Variants in KLF9 observed in about 807,000 individuals in gnomAD.
KLF9 encodes the protein Krueppel-like factor 9.
A neutral mutation model predicts 17.3 loss-of-function variants in KLF9; 2 were observed. The observed-to-expected ratio is 0.12, with a 90% confidence interval of 0.05 to 0.36. The LOEUF (loss-of-function observed/expected upper bound fraction) is 0.36, where lower values mean the gene tolerates loss of function less well. KLF9 is among the 10% of genes least tolerant of loss of function. KLF9 has a pLI of 1.00. For missense variants in KLF9, 226 were observed against 333.2 expected, an observed-to-expected ratio of 0.68 and a Z score of 2.51; for synonymous variants, 138 against 139.2, an observed-to-expected ratio of 0.99 and a Z score of 0.06.
chr9:70,395,351 T>C (rs199547121), intron 1 of KLF9, among the ~76,000 whole-genome samples: 2 of 152,044 alleles, frequency 1.3e-5, no homozygotes, highest in South Asian at 4.1e-4. Context: ...ATGTAAAAAA[T>C]AAAGCCATAA....
At chr9:70,393,554 C>A (rs1435408145) in intron 1 of KLF9, among the ~76,000 whole-genome samples, 1 of 152,148 alleles carries the variant, frequency 6.6e-6, no homozygotes, top group African/African-American at 2.4e-5. Context: ...ATCTTCCCTG[C>A]CCCACCCAAG....
chr9:70,409,020 ATG>A (rs1334427553), intron 1 of KLF9, among the ~76,000 whole-genome samples: 73 of 126,234 alleles, frequency 5.8e-4, no homozygotes, highest in Admixed American at 1.5e-3. Context: ...ATACACATAT[ATG>A]TATATATATA....
chr9:70,399,559 G>T (rs992857910), intron 1 of KLF9, among the ~76,000 whole-genome samples: 1 of 152,222 alleles, frequency 6.6e-6, no homozygotes, highest in African/African-American at 2.4e-5. Flanking sequence ...CAATTTTGGT[G>T]ATTTTTATCA....
At position 70,412,911 on chromosome 9, in the gene KLF9, C is replaced by T. The variant is rs1398160213; in HGVS notation, c.453G>A (p.Gly151=). 6.2e-7 allele frequency: 1 copy of T among 1,612,626 alleles called. No individual in the cohort carries two copies. ...GATGGGAGGATTTTCCATAGACTTT[C>T]CCACAGCCACTGTAGGGGCACTTGT... The part of the protein sequence containing the change: ...KRHKCPYSGC[G]KVYGKSSHLK... Residue 151 remains glycine, a synonymous_variant, in exon 1 of 2, where the codon GGG becomes GGA. Transcript: ENST00000377126.
rs1408836662 is a variant in KLF9, at chr9:70,413,492, G to T, written c.-129C>A. On this transcript the variant is annotated 5_prime_UTR_variant, in exon 1 of 2. Transcript: ENST00000377126. The surrounding 1 kb of genome is among the most constrained non-coding windows in gnomAD (Gnocchi z 5.6). ...GGCACGGCGCGGCGGCCAAGGGGGC[G>T]GGGGCGCGGGGCGCTTCCGACTCGC... 3 of 1,003,126 alleles carry T rather than the reference G, an allele frequency of 3.0e-6. No individual in the cohort carries two copies. The highest frequency in any genetic ancestry group is 4.9e-5 in the South Asian group (1 of 20,300). The allele number at this position is 1,003,126 out of a possible 1,614,324, so 62.1% of individuals were successfully genotyped here.
intron 1 of KLF9, among the ~76,000 whole-genome samples, chr9:70,391,654 C>T (rs1470328683): frequency 2.0e-5 from 3 of 152,148 alleles, no homozygotes; most frequent in Non-Finnish European, 4.4e-5. Flanking sequence ...TATCTGGCAT[C>T]CTTTGGAAAA....
chr9:70,401,681 C>T, intron 1 of KLF9, among the ~76,000 whole-genome samples: 1 of 97,678 alleles, frequency 1.0e-5, no homozygotes, highest in Admixed American at 1.2e-4. Flanking sequence ...AGCAAGACTC[C>T]TTCACAAAAA....
At chr9:70,405,520 T>C (rs1166711637) in intron 1 of KLF9, among the ~76,000 whole-genome samples, 2 of 152,192 alleles carry the variant, frequency 1.3e-5, no homozygotes. Flanking sequence ...CATTAAAAAA[T>C]AAACAAATTC....
At chr9:70,398,243 T>A (rs113517694) in intron 1 of KLF9, among the ~76,000 whole-genome samples, 20 of 152,218 alleles carry the variant, frequency 1.3e-4, no homozygotes, top group African/African-American at 4.8e-4. Flanking sequence ...AGGGCTTAGG[T>A]GTGAGATTTT....
In KLF9 at chr9:70,385,854, T is replaced by G. The variant is rs1461861595; in HGVS notation, c.*1922A>C. ...GACATGTTTTCTCGTGAGAAAACAC[T>G]TTCCTTTTTATCCCATGGACTGCTC... On this transcript the variant is annotated 3_prime_UTR_variant, in exon 2 of 2. Coordinates refer to ENST00000377126, the MANE Select transcript of KLF9 (RefSeq NM_001206.4). 6.6e-6 allele frequency: 1 copy of G among 152,314 alleles called. No individual in the cohort carries two copies. Among genetic ancestry groups the G allele is most frequent in the Non-Finnish European group, 1.5e-5 (1 of 68,040 alleles). 9.4% of individuals were successfully genotyped at this position (152,314 alleles called of 1,614,324 possible).
At chr9:70,400,488 C>G (rs547416741) in intron 1 of KLF9, among the ~76,000 whole-genome samples, 124 of 152,244 alleles carry the variant, frequency 8.1e-4, no homozygotes, top group African/African-American at 2.5e-3. Context: ...GAGAGAGAAC[C>G]CTGATTTTGC....
chr9:70,388,115 G>T, intron 1 of KLF9, 110 bp from the exon 2 acceptor site: 2 of 845,448 alleles, frequency 2.4e-6, no homozygotes, highest in Non-Finnish European at 3.7e-6. Flanking sequence ...CCTCGGAGAT[G>T]ATTATTATGT....
chr9:70,414,613 C>G lies in KLF9; in HGVS notation c.-1250G>C. Reference sequence around the variant, plus strand: ...AGTGTGAATCTATAATTAAAAAAACCCCATTATGTCAGGATAAGTCCAAGA... The same window carrying G: ...AGTGTGAATCTATAATTAAAAAAACGCCATTATGTCAGGATAAGTCCAAGA... On this transcript the variant is annotated 5_prime_UTR_variant, in exon 1 of 2. Coordinates refer to ENST00000377126, the MANE Select transcript of KLF9 (RefSeq NM_001206.4). 6.6e-6 allele frequency: 1 copy of G among 152,014 alleles called. No homozygotes were observed. Among genetic ancestry groups the G allele is most frequent in the Admixed American group, 6.6e-5 (1 of 15,262 alleles). The allele number at this position is 152,014 out of a possible 1,614,324, so 9.4% of individuals were successfully genotyped here.
chr9:70,391,551 C>G (rs2037153381), intron 1 of KLF9, among the ~76,000 whole-genome samples: 2 of 152,106 alleles, frequency 1.3e-5, no homozygotes, highest in African/African-American at 4.8e-5. Flanking sequence ...ACTCATGTAA[C>G]TTGTATAATT....
rs1342687941 is a variant in KLF9 at position 70,414,335 on chromosome 9, C to CG, written c.-973dup. ...CTATGGCAAAAGAGAACTTCAGCTT[C>CG]GGTTTTCCAGCTCCCAAACAGTTAA... On this transcript the variant is annotated 5_prime_UTR_variant, in exon 1 of 2. The change abolishes the stop of an existing upstream ORF in the 5' untranslated region. Transcript: ENST00000377126. 1.3e-5 allele frequency: 2 copies of CG among 152,212 alleles called. No individual in the cohort carries two copies. The highest frequency in any genetic ancestry group is 3.9e-4 in the East Asian group (2 of 5,192). 9.4% of individuals were successfully genotyped at this position (152,212 alleles called of 1,614,324 possible).
chr9:70,405,713 G>A (rs2037251135), intron 1 of KLF9, among the ~76,000 whole-genome samples: 1 of 152,006 alleles, frequency 6.6e-6, no homozygotes, highest in Non-Finnish European at 1.5e-5. Context: ...AAAGGCTTTG[G>A]ACACACATGG....
Position 70,390,187 on chromosome 9 carries a change from T to A in KLF9, c.506-2182A>T, listed in dbSNP as rs562332683. Among the ~76,000 whole-genome samples, 22 of 152,326 alleles carry A rather than the reference T, an allele frequency of 1.4e-4. No individual in the cohort carries two copies. The South Asian group carries it at 4.6e-3, about 32-fold the overall frequency. ...ATAACAACACCCTGTACAACGTACTTTTCGAGGAAACCCAATGTGGGTAAA... is the reference window on the plus strand; with the variant it reads ...ATAACAACACCCTGTACAACGTACTATTCGAGGAAACCCAATGTGGGTAAA... On this transcript the variant is annotated intron_variant, in intron 1 of 1. Transcript: ENST00000377126.
chr9:70,392,317 T>C (rs1774919310), intron 1 of KLF9, among the ~76,000 whole-genome samples: 1 of 152,108 alleles, frequency 6.6e-6, no homozygotes, highest in African/African-American at 2.4e-5. Flanking sequence ...TGGATCATAA[T>C]GGATTCCATG....
chr9:70,404,647 G>A (rs1478973169), intron 1 of KLF9, among the ~76,000 whole-genome samples: 1 of 151,922 alleles, frequency 6.6e-6, no homozygotes, highest in African/African-American at 2.4e-5. Flanking sequence ...AAGTGAATGA[G>A]GCAGTGCTGG....
Sources: allele counts gnomAD v4.1 joint callset (sites outside exome capture counted in the v4.1 genomes callset), GRCh38; gene constraint gnomAD v4.1.1; non-coding constraint Gnocchi (gnomAD v3.1); transcripts MANE v1.5; gene names NCBI Gene and HGNC (gene_info 2026-07-23, HGNC 2026-07-21).